The following GPC5 variants were observed in gnomAD, a reference collection of about 807,000 sequenced individuals.
The protein encoded by GPC5 is glypican 5.
In GPC5, 47 loss-of-function variants were observed where a neutral mutation model predicts 53.9. The ratio of observed to expected loss-of-function variants is 0.87; its 90% confidence interval spans 0.69 to 1.11. The LOEUF (loss-of-function observed/expected upper bound fraction) is 1.11, where lower values mean the gene tolerates loss of function less well. Among genes scored for constraint, GPC5 ranks in the 50% most tolerant of loss-of-function variants. The pLI, the probability that GPC5 is intolerant of heterozygous loss-of-function variation, is 0.00. For synonymous variants in GPC5, 286 were observed against 263.3 expected, an observed-to-expected ratio of 1.09 and a Z score of -0.84; for missense variants, 748 against 713.1, an observed-to-expected ratio of 1.05 and a Z score of -0.56.
At chr13:92,809,917 T>C (rs924839512) in intron 7 of GPC5, among the ~76,000 whole-genome samples, 1 of 152,108 alleles carries the variant, frequency 6.6e-6, no homozygotes, top group Non-Finnish European at 1.5e-5. Context: ...TGTGTGTCAC[T>C]CTGTAATAGA....
intron 7 of GPC5, among the ~76,000 whole-genome samples, chr13:92,484,079 A>G (rs1350421568): frequency 1.3e-5 from 2 of 152,340 alleles, no homozygotes; most frequent in Non-Finnish European, 2.9e-5. Context: ...TTACGGCTAC[A>G]GTGAGCCATG....
In GPC5 at chr13:92,231,382, G is replaced by T. The variant is rs1376842993; in HGVS notation, c.1561+86393G>T. ...ATAATCATTTATACGGCCATTCAGT[G>T]TTTTTTGCAGTGCTCCCAATTCAAT... On this transcript the variant is annotated intron_variant, in intron 7 of 7. Transcript: ENST00000377067. 2.0e-5 allele frequency among the ~76,000 whole-genome samples: 3 copies of T among 152,200 alleles called. No individual in the cohort carries two copies. In the East Asian group the frequency reaches 5.8e-4, roughly 29 times the overall value.
intron 7 of GPC5, among the ~76,000 whole-genome samples, chr13:92,631,112 TC>T (rs1418317427): frequency 6.6e-6 from 1 of 152,072 alleles, no homozygotes; most frequent in East Asian, 1.9e-4. Flanking sequence ...ACTCATAAGA[TC>T]TTTTTATATT....
intron 2 of GPC5, among the ~76,000 whole-genome samples, chr13:91,468,782 T>G (rs905504825): frequency 2.0e-5 from 3 of 152,186 alleles, no homozygotes; most frequent in Non-Finnish European, 2.9e-5. Flanking sequence ...TTTTATGTAT[T>G]TATAATTTTG....
At chr13:91,895,870 A>G (rs2039435709) in intron 5 of GPC5, among the ~76,000 whole-genome samples, 1 of 152,094 alleles carries the variant, frequency 6.6e-6, no homozygotes, top group Non-Finnish European at 1.5e-5. Flanking sequence ...GGCCGAAATT[A>G]AAGTGTCTGT....
chr13:92,744,865 T>C (rs1889202808), intron 7 of GPC5, among the ~76,000 whole-genome samples: 1 of 151,992 alleles, frequency 6.6e-6, no homozygotes, highest in Non-Finnish European at 1.5e-5. Flanking sequence ...GATGGATAGA[T>C]AGGTAGACAG....
intron 7 of GPC5, among the ~76,000 whole-genome samples, chr13:92,665,881 C>T (rs889445947): frequency 9.2e-5 from 14 of 152,260 alleles, no homozygotes; most frequent in African/African-American, 2.2e-4. Context: ...TTTCCTCCTA[C>T]GTATGGTATA....
At chr13:91,418,153 A>T (rs1878365532) in intron 1 of GPC5, among the ~76,000 whole-genome samples, 1 of 152,066 alleles carries the variant, frequency 6.6e-6, no homozygotes, top group African/African-American at 2.4e-5. Context: ...CAGATTTAAA[A>T]CATGTCATAT....
At chr13:91,634,411 C>T (rs1224951574) in intron 2 of GPC5, among the ~76,000 whole-genome samples, 1 of 151,988 alleles carries the variant, frequency 6.6e-6, no homozygotes, top group African/African-American at 2.4e-5. Flanking sequence ...TTAGGTCACA[C>T]AGTCGATTTG....
intron 3 of GPC5, among the ~76,000 whole-genome samples, chr13:91,716,071 G>A (rs998197435): frequency 3.3e-5 from 5 of 151,806 alleles, no homozygotes; most frequent in African/African-American, 1.2e-4. Context: ...GAGCCACCAT[G>A]CCTGGCCCAT....
intron 6 of GPC5, among the ~76,000 whole-genome samples, chr13:92,087,692 C>T (rs544835845): frequency 6.6e-6 from 1 of 152,186 alleles, no homozygotes; most frequent in Admixed American, 6.5e-5. Flanking sequence ...CTAGCTCATA[C>T]CTTTCATTAT....
At chr13:92,074,819 A>G (rs1413402854) in intron 6 of GPC5, among the ~76,000 whole-genome samples, 1 of 152,210 alleles carries the variant, frequency 6.6e-6, no homozygotes, top group Non-Finnish European at 1.5e-5. Flanking sequence ...TCCTTCGCAC[A>G]TCGCTACCTG....
intron 7 of GPC5, among the ~76,000 whole-genome samples, chr13:92,656,319 A>C (rs1022088101): frequency 6.6e-6 from 1 of 152,244 alleles, no homozygotes; most frequent in African/African-American, 2.4e-5. Flanking sequence ...CAGTGAAAAA[A>C]ATGGATGAAT....
Position 91,769,337 on chromosome 13 carries a change from G to A in GPC5, c.1280+12917G>A, listed in dbSNP as rs904415075. On this transcript the variant is annotated intron_variant, in intron 5 of 7. Coordinates refer to ENST00000377067, the MANE Select transcript of GPC5 (RefSeq NM_004466.6). ...ATACATTCACAGCAACGTGTAGACT[G>A]CTACTTGACCAAACCCACTGGGTAC... Among the ~76,000 whole-genome samples, 3 of 152,120 alleles carry A rather than the reference G, an allele frequency of 2.0e-5. 1 individual carries two copies. Among genetic ancestry groups the A allele is most frequent in the Admixed American group, 1.3e-4 (2 of 15,258 alleles).
chr13:91,948,615 C>A (rs2039997998), intron 6 of GPC5, among the ~76,000 whole-genome samples: 1 of 151,738 alleles, frequency 6.6e-6, no homozygotes, highest in African/African-American at 2.4e-5. Flanking sequence ...TTAAAAATAC[C>A]CCATGAGTTC....
chr13:92,126,826 G>A (rs73626596), intron 6 of GPC5, among the ~76,000 whole-genome samples: 2,047 of 151,116 alleles, frequency 0.014, 51 homozygotes, highest in African/African-American at 0.046. Flanking sequence ...GAGTGTGTGT[G>A]TGTGTGTGTA....
intron 6 of GPC5, among the ~76,000 whole-genome samples, chr13:91,958,985 A>G (rs2040100058): frequency 6.6e-6 from 1 of 151,694 alleles, no homozygotes; most frequent in Non-Finnish European, 1.5e-5. Flanking sequence ...AAAATCAAGA[A>G]CAAACAAAAC....
At chr13:92,085,331 G>A (rs754524078) in intron 6 of GPC5, among the ~76,000 whole-genome samples, 7 of 152,192 alleles carry the variant, frequency 4.6e-5, no homozygotes, top group Admixed American at 6.5e-5. Context: ...GGGCATTACA[G>A]CAAGTAAAAT....
chr13:92,443,353 T>C (rs573594564), intron 7 of GPC5, among the ~76,000 whole-genome samples: 2 of 152,200 alleles, frequency 1.3e-5, no homozygotes, highest in African/African-American at 2.4e-5. Context: ...GACTTGGAGG[T>C]AAAAGATATC....
Sources: gnomAD v4.1 joint callset for allele counts (sites outside exome capture counted in the v4.1 genomes callset) on GRCh38, gnomAD v4.1.1 for gene constraint, MANE v1.5 for transcripts, NCBI Gene and HGNC (gene_info 2026-07-23, HGNC 2026-07-21) for gene names.